MAGI1: variants seen among roughly 807,000 people sequenced by gnomAD.
MAGI1 encodes membrane associated guanylate kinase, WW and PDZ domain containing 1.
A neutral mutation model predicts 139.9 loss-of-function variants in MAGI1; 58 were observed. The observed-to-expected ratio is 0.41, with a 90% confidence interval of 0.34 to 0.52. The LOEUF (loss-of-function observed/expected upper bound fraction) is 0.52, where lower values mean the gene tolerates loss of function less well. Among genes scored for constraint, MAGI1 ranks in the 20% least tolerant of loss-of-function variants. The pLI is 0.12. For synonymous variants in MAGI1, 812 were observed against 737.9 expected, an observed-to-expected ratio of 1.10 and a Z score of -1.63; for missense variants, 1,874 against 1,901.6, an observed-to-expected ratio of 0.99 and a Z score of 0.27.
At chr3:65,732,167 A>G (rs901803197) in intron 1 of MAGI1, among the ~76,000 whole-genome samples, 1 of 152,238 alleles carries the variant, frequency 6.6e-6, no homozygotes, top group African/African-American at 2.4e-5. Flanking sequence ...GAGAGATAAC[A>G]GAATCTAGAG....
chr3:65,548,134 T>C (rs975118533), intron 2 of MAGI1, among the ~76,000 whole-genome samples: 3 of 152,222 alleles, frequency 2.0e-5, no homozygotes, highest in Admixed American at 1.3e-4. Context: ...CGCTTTGCTC[T>C]GGAGGAAGAA....
chr3:65,461,251 T>C (rs548851436), intron 5 of MAGI1, among the ~76,000 whole-genome samples: 11 of 152,222 alleles, frequency 7.2e-5, no homozygotes, highest in African/African-American at 2.4e-4. Context: ...AGTCTTGCTC[T>C]GTCGCCCAGG....
chr3:65,387,377 A>G (rs1575582036), intron 14 of MAGI1: 3 of 470,082 alleles, frequency 6.4e-6, no homozygotes. Flanking sequence ...GTTTGATTCC[A>G]TTTTTTCTTT....
At chr3:65,379,618 C>T in intron 16 of MAGI1, 64 bp from the exon 17 acceptor site, 1 of 1,547,670 alleles carries the variant, frequency 6.5e-7, no homozygotes. Context: ...TGCTGCCCCT[C>T]CCTCCTTCCA....
chr3:65,490,481 T>C (rs1158970395), intron 3 of MAGI1, among the ~76,000 whole-genome samples: 1 of 152,160 alleles, frequency 6.6e-6, no homozygotes, highest in African/African-American at 2.4e-5. Context: ...ATATGGCATT[T>C]AATAAACATT....
At chr3:65,953,294 G>A (rs936770878) in intron 1 of MAGI1, among the ~76,000 whole-genome samples, 1 of 152,134 alleles carries the variant, frequency 6.6e-6, no homozygotes, top group Non-Finnish European at 1.5e-5. Context: ...ATTTCCAGAC[G>A]AAACCAAAGG....
chr3:65,418,006 T>C (rs962629246), intron 12 of MAGI1, among the ~76,000 whole-genome samples: 2 of 152,148 alleles, frequency 1.3e-5, no homozygotes, highest in African/African-American at 4.8e-5. Context: ...ACTGTCACCG[T>C]TGGAGAAAGG....
At chr3:65,413,044 A>G (rs1051910263) in intron 12 of MAGI1, among the ~76,000 whole-genome samples, 1 of 151,774 alleles carries the variant, frequency 6.6e-6, no homozygotes, top group African/African-American at 2.4e-5. Context: ...ATGCCTCTCA[A>G]TGCCTCACTC....
rs1000662550 is a variant in MAGI1, at chr3:65,927,204, T to C, written c.313+110792A>G. Among the ~76,000 whole-genome samples, 6 of 152,256 alleles carry C rather than the reference T, an allele frequency of 3.9e-5. 1 individual carries two copies. Among genetic ancestry groups the C allele is most frequent in the Admixed American group, 2.0e-4 (3 of 15,288 alleles). On this transcript the variant is annotated intron_variant, in intron 1 of 22. Transcript: ENST00000402939. Reference sequence around the variant, plus strand: ...TTTCTTAATAAACTTCCTTTCATTTTACTCTATGAATTCGCCTCAAATTCT... The same window carrying C: ...TTTCTTAATAAACTTCCTTTCATTTCACTCTATGAATTCGCCTCAAATTCT...
chr3:65,959,434 G>A (rs1438269636), intron 1 of MAGI1, among the ~76,000 whole-genome samples: 1 of 151,916 alleles, frequency 6.6e-6, no homozygotes, highest in Non-Finnish European at 1.5e-5. Flanking sequence ...CACAGTAAGT[G>A]AGTGATGCTC....
intron 20 of MAGI1, 134 bp downstream of exon 20, chr3:65,364,531 C>T (rs900986949): frequency 1.1e-5 from 8 of 728,664 alleles, no homozygotes; most frequent in South Asian, 5.2e-5. Context: ...TGTAAGTATA[C>T]GTTTGGTAAA....
intron 1 of MAGI1, among the ~76,000 whole-genome samples, chr3:65,623,019 T>C (rs2083767744): frequency 6.6e-6 from 1 of 152,220 alleles, no homozygotes; most frequent in Non-Finnish European, 1.5e-5. Context: ...TGTGTGGAAC[T>C]GTGCATAATG....
chr3:65,936,207 T>G (rs2063041881), intron 1 of MAGI1, among the ~76,000 whole-genome samples: 1 of 152,124 alleles, frequency 6.6e-6, no homozygotes, highest in Non-Finnish European at 1.5e-5. Context: ...ACAGTACCTA[T>G]GCCAACAAAC....
intron 1 of MAGI1, among the ~76,000 whole-genome samples, chr3:65,752,125 T>A (rs1204942019): frequency 6.6e-6 from 1 of 152,104 alleles, no homozygotes; most frequent in Non-Finnish European, 1.5e-5. Flanking sequence ...TTTTTTGTAT[T>A]TTTTGTACAA....
intron 1 of MAGI1, among the ~76,000 whole-genome samples, chr3:65,958,060 A>C (rs2107044806): frequency 6.6e-6 from 1 of 152,234 alleles, no homozygotes; most frequent in Middle Eastern, 3.4e-3. Flanking sequence ...CGCCTGGCCT[A>C]GTTCTTGATT....
intron 1 of MAGI1, among the ~76,000 whole-genome samples, chr3:65,806,499 ACTGTTACTGTACCT>A (rs1394122794): frequency 6.6e-6 from 1 of 152,122 alleles, no homozygotes; most frequent in African/African-American, 2.4e-5. Context: ...AACCAATTCA[ACTGTTACTGTACCT>A]CACTTCCGTT....
chr3:66,030,908 A>G (rs1312850505), intron 1 of MAGI1, among the ~76,000 whole-genome samples: 1 of 152,254 alleles, frequency 6.6e-6, no homozygotes, highest in East Asian at 1.9e-4. Context: ...ATTTTGCTAC[A>G]TGCCTTCGGA....
chr3:65,773,983 T>G (rs1255403171), intron 1 of MAGI1, among the ~76,000 whole-genome samples: 3 of 151,976 alleles, frequency 2.0e-5, no homozygotes, highest in African/African-American at 7.3e-5. Flanking sequence ...GAGAAAAAAA[T>G]TCCAAAGGAT....
At position 65,572,954 on chromosome 3, in the gene MAGI1, A is replaced by G. The variant is rs149376275; in HGVS notation, c.430+49018T>C. 5.6e-3 allele frequency among the ~76,000 whole-genome samples: 844 copies of G among 152,002 alleles called. 4 individuals carry two copies. Among genetic ancestry groups the G allele is most frequent in the Middle Eastern group, 0.027 (8 of 294 alleles). On this transcript the variant is annotated intron_variant, in intron 2 of 22. Transcript: ENST00000402939. The stretch of plus-strand genomic sequence containing the variant: ...TCTCTCCAACATTTACATTTCTCAG[A>G]GGTGTAGTCTATTCAAGAATTTTAA...
Sources: allele counts gnomAD v4.1 joint callset (sites outside exome capture counted in the v4.1 genomes callset), GRCh38; gene constraint gnomAD v4.1.1; transcripts MANE v1.5; gene names NCBI Gene and HGNC (gene_info 2026-07-23, HGNC 2026-07-21).